Variants in DHRS3 observed in about 807,000 individuals in gnomAD.
The protein encoded by DHRS3 is short-chain dehydrogenase/reductase 3.
DHRS3 carries 14 observed loss-of-function variants against 27.2 expected under a neutral mutation model. That is an observed-to-expected ratio of 0.52 (90% CI 0.34 to 0.81). DHRS3 has a LOEUF of 0.81. DHRS3 is among the 30% of genes least tolerant of loss of function. The pLI is 0.01. For synonymous variants in DHRS3, 165 were observed against 175.9 expected, an observed-to-expected ratio of 0.94 and a Z score of 0.49; for missense variants, 322 against 406.2, an observed-to-expected ratio of 0.79 and a Z score of 1.78.
Position 12,580,586 on chromosome 1 carries a change from G to A in DHRS3, c.276C>T (p.Tyr92=). The A allele has an allele frequency of 6.2e-7, 1 of 1,614,144 alleles. No homozygotes were observed. Among genetic ancestry groups the A allele is most frequent in the Non-Finnish European group, 8.5e-7 (1 of 1,180,040 alleles). ...CCCGGTTGCCCACATCACAGATGAA[G>A]TAATGGCACTCAGTGCCCATCTGCC... ...EIRQMGTECH[Y]FICDVGNREE... is the part of the protein sequence containing the mutation. The change falls in exon 2 of 6, where the codon TAC becomes TAT. Residue 92 remains tyrosine, a synonymous_variant. Coordinates refer to ENST00000616661, the MANE Select transcript of DHRS3 (RefSeq NM_004753.7).
chr1:12,590,355 G>C (rs1646735162), intron 1 of DHRS3, among the ~76,000 whole-genome samples: 1 of 152,182 alleles, frequency 6.6e-6, no homozygotes, highest in South Asian at 2.1e-4. Flanking sequence ...TTGTTGCCCA[G>C]ACTGGAGTGC....
intron 1 of DHRS3, among the ~76,000 whole-genome samples, chr1:12,588,969 G>T (rs1053361287): frequency 6.6e-6 from 1 of 152,212 alleles, no homozygotes; most frequent in Non-Finnish European, 1.5e-5. Context: ...GAAAATACCC[G>T]CCAGAGACCC....
At chr1:12,585,568 C>T (rs1557520440) in intron 1 of DHRS3, among the ~76,000 whole-genome samples, 1 of 152,152 alleles carries the variant, frequency 6.6e-6, no homozygotes, top group Non-Finnish European at 1.5e-5. Flanking sequence ...GGAATGGGTC[C>T]CTTTCCCTGG....
chr1:12,568,545 A>C (rs1570347030), intron 5 of DHRS3, 121 bp from the exon 6 acceptor site: 7 of 869,958 alleles, frequency 8.0e-6, no homozygotes, highest in Admixed American at 3.9e-5. Context: ...TGCTCCCCAC[A>C]CCTCCAAGCC....
In DHRS3 at chr1:12,586,128, C is replaced by G. The variant is rs1646695287; in HGVS notation, c.196-5462G>C. On this transcript the variant is annotated intron_variant, in intron 1 of 5. Transcript: ENST00000616661. The surrounding 1 kb of genome is among the most constrained non-coding windows in gnomAD (Gnocchi z 5.0). The stretch of plus-strand genomic sequence containing the variant: ...TCTGGTCTCCGGGGCCCCGGGCTGT[C>G]CTGCCCTTGCCCAGAGCTGCTCTCA... 6.6e-6 allele frequency among the ~76,000 whole-genome samples: 1 copy of G among 152,334 alleles called. No homozygotes were observed. Among genetic ancestry groups the G allele is most frequent in the East Asian group, 1.9e-4 (1 of 5,186 alleles).
At chr1:12,617,028 G>C (rs1646949007) in intron 1 of DHRS3, 126 bp downstream of exon 1, 1 of 1,172,676 alleles carries the variant, frequency 8.5e-7, no homozygotes, top group Non-Finnish European at 1.2e-6. Flanking sequence ...AGCACTCGTG[G>C]GTGGCGCGGA....
chr1:12,604,497 A>ATTTCACTACATCCCTGCC (rs1646856657), intron 1 of DHRS3, among the ~76,000 whole-genome samples: 2 of 152,256 alleles, frequency 1.3e-5, no homozygotes, highest in South Asian at 4.2e-4. Context: ...GTAAAAGCGG[A>ATTTCACTACATCCCTGCC]TTTCACTACA....
chr1:12,581,879 G>A (rs373581060), intron 1 of DHRS3, among the ~76,000 whole-genome samples: 82 of 152,274 alleles, frequency 5.4e-4, no homozygotes, highest in African/African-American at 1.8e-3. Context: ...GAATTCGTCC[G>A]GTGGGCTTCT....
In DHRS3 at chr1:12,618,171, C is replaced by T. The variant is rs1043483121; in HGVS notation, c.-823G>A. On this transcript the variant is annotated 5_prime_UTR_variant, in exon 1 of 6. Transcript: ENST00000616661. The surrounding 1 kb of genome is among the most constrained non-coding windows in gnomAD (Gnocchi z 4.2). ...TTTATTGCCTTCTTTTTGTCCTTTC[C>T]AACTTGGAGAGGGTCCGGGTGTGGA... is the stretch of plus-strand genomic sequence containing the variant. 6.6e-6 allele frequency among the ~76,000 whole-genome samples: 1 copy of T among 152,068 alleles called. No homozygotes were observed. Among genetic ancestry groups the T allele is most frequent in the East Asian group, 1.9e-4 (1 of 5,190 alleles).
At chr1:12,595,608 G>C (rs886522568) in intron 1 of DHRS3, among the ~76,000 whole-genome samples, 1 of 151,644 alleles carries the variant, frequency 6.6e-6, no homozygotes, top group Non-Finnish European at 1.5e-5. Flanking sequence ...GAGGGGGCCA[G>C]GTGGTGTCCC....
chr1:12,588,952 A>G (rs1041811702), intron 1 of DHRS3, among the ~76,000 whole-genome samples: 1 of 152,190 alleles, frequency 6.6e-6, no homozygotes, highest in Non-Finnish European at 1.5e-5. Context: ...GGCTTCTCAG[A>G]GGGAAAGAAA....
chr1:12,605,078 CAAAAA>C (rs36031555), intron 1 of DHRS3, among the ~76,000 whole-genome samples: 1 of 98,420 alleles, frequency 1.0e-5, no homozygotes, highest in African/African-American at 4.1e-5. Context: ...AACTCCATCT[CAAAAA>C]AAAAAAAAAA....
chr1:12,617,296 T>G lies in DHRS3; in HGVS notation c.53A>C (p.Tyr18Ser), dbSNP rs1477718627. ...TCCGACGGCTGCTTTCACCACCAGA[T>G]AGATCATCTGTAGAGGGAACATCAC... ...ALVMFPLQMIYLVVKAAVGLV... is the reference protein window; with the variant it reads ...ALVMFPLQMISLVVKAAVGLV... The change falls in exon 1 of 6, where the codon TAT (tyrosine) becomes TCT (serine). Residue 18 changes from tyrosine (Y) to serine (S), a missense_variant. By Grantham distance (144) the Tyr-to-Ser change is moderately radical (BLOSUM62 -2). Coordinates refer to ENST00000616661, the MANE Select transcript of DHRS3 (RefSeq NM_004753.7). The G allele has an allele frequency of 4.3e-6, 7 of 1,613,638 alleles. No homozygotes were observed. The highest frequency in any genetic ancestry group is 5.9e-6 in the Non-Finnish European group (7 of 1,179,910).
At chr1:12,605,731 T>G (rs1013826069) in intron 1 of DHRS3, among the ~76,000 whole-genome samples, 1 of 152,192 alleles carries the variant, frequency 6.6e-6, no homozygotes, top group African/African-American at 2.4e-5. Context: ...GCAACATAAA[T>G]TCTCCTAAAA....
chr1:12,607,709 G>T (rs1646880458), intron 1 of DHRS3, among the ~76,000 whole-genome samples: 1 of 152,136 alleles, frequency 6.6e-6, no homozygotes, highest in Admixed American at 6.5e-5. Flanking sequence ...TAAAAAAAAA[G>T]ACTGTATTGA....
chr1:12,580,568 G>A lies in DHRS3; in HGVS notation c.294C>T (p.Gly98=). The change falls in exon 2 of 6, where the codon GGC becomes GGT. Residue 98 remains glycine (G), a synonymous_variant. Transcript: ENST00000616661. ...TECHYFICDV[G]NREEVYQTAK... ...CCGTCTGGTACACCTCCTCCCGGTT[G>A]CCCACATCACAGATGAAGTAATGGC... 6.2e-7 allele frequency: 1 copy of A among 1,614,150 alleles called. No homozygotes were observed. Among genetic ancestry groups the A allele is most frequent in the South Asian group, 1.1e-5 (1 of 91,078 alleles).
chr1:12,580,946 C>T (rs918091133), intron 1 of DHRS3, among the ~76,000 whole-genome samples: 14 of 152,070 alleles, frequency 9.2e-5, no homozygotes, highest in African/African-American at 2.4e-4. Context: ...TCCCAGCCTC[C>T]GGAGTGGCTG....
Position 12,617,292 on chromosome 1 carries a change from C to T in DHRS3, c.57G>A (p.Leu19=). The part of the protein sequence containing the change: ...LVMFPLQMIY[L]VVKAAVGLVL... ...CCAGTCCGACGGCTGCTTTCACCAC[C>T]AGATAGATCATCTGTAGAGGGAACA... The change falls in exon 1 of 6, where the codon CTG becomes CTA. Residue 19 remains leucine (L), a synonymous_variant. Coordinates refer to ENST00000616661, the MANE Select transcript of DHRS3 (RefSeq NM_004753.7). The T allele has an allele frequency of 6.2e-7, 1 of 1,613,796 alleles. No homozygotes were observed. The highest frequency in any genetic ancestry group is 1.7e-5 in the Admixed American group (1 of 60,028).
chr1:12,580,727 T>G, intron 1 of DHRS3, 61 bp from the exon 2 acceptor site: 1 of 1,547,262 alleles, frequency 6.5e-7, no homozygotes, highest in Non-Finnish European at 8.7e-7. Flanking sequence ...ATGCAACAAT[T>G]GCCACCAGAA....
Sources: allele counts gnomAD v4.1 joint callset (sites outside exome capture counted in the v4.1 genomes callset), GRCh38; gene constraint gnomAD v4.1.1; non-coding constraint Gnocchi (gnomAD v3.1); transcripts MANE v1.5; gene names NCBI Gene and HGNC (gene_info 2026-07-23, HGNC 2026-07-21).